TTC27: variants seen among roughly 807,000 people sequenced by gnomAD.
TTC27 encodes tetratricopeptide repeat protein 27.
Under a neutral mutation model 115.9 loss-of-function variants are expected in TTC27, and 79 were observed. The observed-to-expected ratio is 0.68, with a 90% CI of 0.57 to 0.82. The LOEUF (loss-of-function observed/expected upper bound fraction) is 0.82. Among genes scored for constraint, TTC27 ranks in the 40% least tolerant of loss-of-function variants. The pLI is 0.00. For missense variants in TTC27, 1,054 were observed against 993.1 expected (o/e 1.06, Z -0.82); for synonymous variants, 401 against 356.0 (o/e 1.13, Z -1.42).
At chr2:32,703,779 A>G (rs1390585844) in intron 10 of TTC27, among the ~76,000 whole-genome samples, 1 of 152,262 alleles carries the variant, frequency 6.6e-6, no homozygotes, top group Non-Finnish European at 1.5e-5. Flanking sequence ...GGAAAATCTT[A>G]CAATAGATGT....
At chr2:32,718,519 G>T (rs1667822561) in intron 10 of TTC27, among the ~76,000 whole-genome samples, 1 of 152,030 alleles carries the variant, frequency 6.6e-6, no homozygotes, top group Admixed American at 6.6e-5. Context: ...TTATTAATTA[G>T]AATTTTAAAA....
intron 12 of TTC27, among the ~76,000 whole-genome samples, chr2:32,738,402 A>G (rs926768705): frequency 1.8e-4 from 28 of 152,166 alleles, no homozygotes; most frequent in Non-Finnish European, 4.1e-4. Flanking sequence ...GCTTGCTGCC[A>G]TTACTTGCTG....
At chr2:32,754,285 C>T (rs1375391630) in intron 12 of TTC27, among the ~76,000 whole-genome samples, 2 of 150,240 alleles carry the variant, frequency 1.3e-5, no homozygotes, top group Non-Finnish European at 3.0e-5. Flanking sequence ...GGCAGAGGAC[C>T]CTTCGGCCTT....
At chr2:32,686,741 T>C (rs1422654139) in intron 9 of TTC27, among the ~76,000 whole-genome samples, 2 of 152,110 alleles carry the variant, frequency 1.3e-5, no homozygotes, top group East Asian at 3.9e-4. Context: ...AAACAAAAAA[T>C]CCAACTACCT....
chr2:32,669,032 T>A (rs942310685), intron 7 of TTC27, among the ~76,000 whole-genome samples: 8 of 151,866 alleles, frequency 5.3e-5, no homozygotes, highest in African/African-American at 1.9e-4. Context: ...TGAGCTGAGA[T>A]CGTGCCACTG....
intron 10 of TTC27, among the ~76,000 whole-genome samples, chr2:32,725,586 G>A (rs1012429081): frequency 8.5e-5 from 13 of 152,146 alleles, no homozygotes; most frequent in Non-Finnish European, 1.6e-4. Flanking sequence ...GCTTTGCAGC[G>A]TACAGCTTCC....
chr2:32,655,715 A>G (rs1245777379), intron 5 of TTC27, among the ~76,000 whole-genome samples: 2 of 151,762 alleles, frequency 1.3e-5, no homozygotes, highest in Admixed American at 1.3e-4. Context: ...GTTAGGATTA[A>G]TAATTGCTAC....
intron 13 of TTC27, among the ~76,000 whole-genome samples, chr2:32,767,370 G>T (rs974635399): frequency 6.6e-6 from 1 of 150,962 alleles, no homozygotes; most frequent in Non-Finnish European, 1.5e-5. Context: ...GATATATTTT[G>T]TCTTGTTAAA....
Position 32,682,737 on chromosome 2 carries a change from C to T in TTC27, c.1119+3815C>T, listed in dbSNP as rs554162629. Among the ~76,000 whole-genome samples the T allele has an allele frequency of 1.1e-4, 17 of 148,034 alleles. No individual in the cohort carries two copies. In the East Asian group the frequency reaches 3.4e-3, roughly 30 times the overall value. On this transcript the variant is annotated intron_variant, in intron 9 of 19. Transcript: ENST00000317907. Reference sequence around the variant, plus strand: ...AGGCTGGAATGCAATGGCGCGATCTCAACTCATTGCAGCCTCCACCTCCTG... The same window carrying T: ...AGGCTGGAATGCAATGGCGCGATCTTAACTCATTGCAGCCTCCACCTCCTG...
chr2:32,690,793 A>T (rs1238181802), intron 9 of TTC27, among the ~76,000 whole-genome samples: 4 of 152,228 alleles, frequency 2.6e-5, no homozygotes, highest in Non-Finnish European at 5.9e-5. Flanking sequence ...TTGGAATTTT[A>T]AACTTACTGT....
intron 10 of TTC27, among the ~76,000 whole-genome samples, chr2:32,714,332 G>A (rs1032403467): frequency 6.6e-6 from 1 of 151,884 alleles, no homozygotes; most frequent in African/African-American, 2.4e-5. Flanking sequence ...CTAATTTTTT[G>A]TATTTTTAGT....
chr2:32,776,630 A>T (rs1025683454), intron 13 of TTC27, among the ~76,000 whole-genome samples: 3 of 152,008 alleles, frequency 2.0e-5, no homozygotes, highest in African/African-American at 7.3e-5. Context: ...TTTGTTTGAG[A>T]TGGAGTCTCA....
At chr2:32,814,050 A>G (rs1182304348) in intron 18 of TTC27, among the ~76,000 whole-genome samples, 4 of 152,176 alleles carry the variant, frequency 2.6e-5, no homozygotes, top group Non-Finnish European at 5.9e-5. Flanking sequence ...ACACTGATGT[A>G]TTAGGTACAT....
Position 32,663,675 on chromosome 2 carries a change from TG to T in TTC27, c.641-627del, listed in dbSNP as rs1559194100. On this transcript the variant is annotated intron_variant, in intron 5 of 19. Coordinates refer to ENST00000317907, the MANE Select transcript of TTC27 (RefSeq NM_017735.5). ...ATGTATGTATGTATGTATGTATGTA[TG>T]TATGTATTTATTTATTTATTTATTT... Among the ~76,000 whole-genome samples, 164 of 150,188 alleles carry T rather than the reference TG, an allele frequency of 1.1e-3. 1 individual carries two copies. Among genetic ancestry groups the T allele is most frequent in the Admixed American group, 3.4e-3 (51 of 15,104 alleles).
intron 13 of TTC27, among the ~76,000 whole-genome samples, chr2:32,762,715 C>T: frequency 6.6e-6 from 1 of 152,116 alleles, no homozygotes; most frequent in Non-Finnish European, 1.5e-5. Flanking sequence ...CTTCTCAGCT[C>T]ACTGCAATCT....
chr2:32,772,505 T>C (rs911567514), intron 13 of TTC27, among the ~76,000 whole-genome samples: 1 of 152,206 alleles, frequency 6.6e-6, no homozygotes, highest in African/African-American at 2.4e-5. Context: ...ACCATACATC[T>C]ATTCTGTTGA....
intron 3 of TTC27, among the ~76,000 whole-genome samples, chr2:32,639,629 A>C (rs1664564409): frequency 6.6e-6 from 1 of 152,184 alleles, no homozygotes; most frequent in African/African-American, 2.4e-5. Flanking sequence ...TTTCATTGAG[A>C]TAATATTTTG....
intron 3 of TTC27, among the ~76,000 whole-genome samples, chr2:32,635,059 G>A (rs1168049564): frequency 6.6e-6 from 1 of 152,142 alleles, no homozygotes; most frequent in Admixed American, 6.5e-5. Context: ...TTCTGGCACA[G>A]CATTGCTTCA....
chr2:32,633,511 G>T (rs1194038687), intron 2 of TTC27, among the ~76,000 whole-genome samples: 1 of 151,880 alleles, frequency 6.6e-6, no homozygotes, highest in Non-Finnish European at 1.5e-5. Context: ...CTCCTGGGCT[G>T]CAAGCAATCC....
Sources: allele counts gnomAD v4.1 joint callset (sites outside exome capture counted in the v4.1 genomes callset), GRCh38; gene constraint gnomAD v4.1.1; transcripts MANE v1.5; gene names NCBI Gene and HGNC (gene_info 2026-07-23, HGNC 2026-07-21).